NOP14: variants seen among roughly 807,000 people sequenced by gnomAD.
NOP14 encodes NOP14 nucleolar protein, also known as nucleolar protein 14.
In NOP14, 57 loss-of-function variants were observed where a neutral mutation model predicts 101.6. That is an observed-to-expected ratio of 0.56 (90% confidence interval 0.45 to 0.70). The LOEUF is 0.70. Ranked by LOEUF, NOP14 falls within the 30% of genes least tolerant of loss-of-function variation. NOP14 has a pLI of 0.00. For synonymous variants in NOP14, 428 were observed against 424.0 expected (o/e 1.01, Z -0.12); for missense variants, 1,134 against 1,075.5 (o/e 1.05, Z -0.76).
intron 4 of NOP14, among the ~76,000 whole-genome samples, chr4:2,953,871 C>A (rs1715177957): frequency 6.6e-6 from 1 of 152,162 alleles, no homozygotes; most frequent in Non-Finnish European, 1.5e-5. Context: ...ATGCTCTGAG[C>A]AGTTCACTGC....
At chr4:2,952,175 T>A in intron 6 of NOP14, 100 bp downstream of exon 6, 5 of 1,176,532 alleles carry the variant, frequency 4.2e-6, no homozygotes, top group Non-Finnish European at 6.0e-6. Context: ...ATTCCACTGA[T>A]CAAACAGAGT....
chr4:2,949,613 T>C (rs1714877313), intron 8 of NOP14, among the ~76,000 whole-genome samples: 2 of 152,282 alleles, frequency 1.3e-5, no homozygotes, highest in South Asian at 2.1e-4. Flanking sequence ...TTCTCGCAGA[T>C]GCTCACCCAC....
At chr4:2,943,067 G>A (rs1714341122) in intron 13 of NOP14, among the ~76,000 whole-genome samples, 1 of 152,198 alleles carries the variant, frequency 6.6e-6, no homozygotes, top group Non-Finnish European at 1.5e-5. Context: ...TTCACACGTG[G>A]GACTGCAGCT....
chr4:2,963,289 T>C lies in NOP14; in HGVS notation c.31A>G (p.Arg11Gly). Residue 11 changes from arginine to glycine, a missense_variant, in exon 1 of 18, where the codon AGG becomes GGG. Arg to Gly is a moderately radical substitution (Grantham distance 125). Coordinates refer to ENST00000416614, the MANE Select transcript of NOP14 (RefSeq NM_001291978.2). The part of the protein sequence containing the change: MAKAKKVGAR[R>G]KASGAPAGAR... ...CCCGCCGGCGCCCCGGAGGCCTTCC[T>C]TCGCGCCCCGACCTTCTTCGCCTTC... 1 of 1,595,728 alleles carries C rather than the reference T, an allele frequency of 6.3e-7. No individual in the cohort carries two copies.
At chr4:2,960,762 AATATTAAT>A (rs1560310787) in intron 1 of NOP14, among the ~76,000 whole-genome samples, 1 of 87,990 alleles carries the variant, frequency 1.1e-5, no homozygotes, top group African/African-American at 4.3e-5. Context: ...TAATCACATT[AATATTAAT>A]ATATTAATAT....
chr4:2,947,253 A>G (rs1714718921), intron 10 of NOP14: 1 of 499,756 alleles, frequency 2.0e-6, no homozygotes, highest in East Asian at 3.6e-5. Context: ...ACCCCATCCC[A>G]GCCACAAATC....
chr4:2,961,218 ATT>A (rs1491101780), intron 1 of NOP14: 113 of 37,088 alleles, frequency 3.0e-3, no homozygotes, highest in African/African-American at 9.5e-3. Flanking sequence ...ATATTAATAT[ATT>A]AATATTGTTA....
intron 5 of NOP14, 46 bp downstream of exon 5, chr4:2,953,465 C>G (rs1475976): frequency 0.4 from 648,684 of 1,605,884 alleles, 136,712 homozygotes; most frequent in African/African-American, 0.64. Flanking sequence ...AAGTCGGTCA[C>G]CCAAGCTCAG....
chr4:2,961,311 T>G (rs1270145102), intron 1 of NOP14: 1 of 9,138 alleles, frequency 1.1e-4, no homozygotes, highest in Non-Finnish European at 4.6e-4. Flanking sequence ...AGTTACTGAT[T>G]TAAGAACTAC....
At position 2,941,569 on chromosome 4, in the gene NOP14, C is replaced by CG. The variant is rs1179325308; in HGVS notation, c.2199+12dup. On this transcript the variant is annotated intron_variant, in intron 15 of 17. Coordinates refer to ENST00000416614, the MANE Select transcript of NOP14 (RefSeq NM_001291978.2). ...AGCCCAGGCAGAGCACCCTAGTGGC[C>CG]GGGAAGCCTCACCTGGAGCTCCTGC... 2 of 1,609,364 alleles carry CG rather than the reference C, an allele frequency of 1.2e-6. No homozygotes were observed. The highest frequency in any genetic ancestry group is 1.7e-6 in the Non-Finnish European group (2 of 1,178,888).
chr4:2,942,151 G>A (rs370425099), intron 14 of NOP14, 41 bp downstream of exon 14: 10 of 1,579,116 alleles, frequency 6.3e-6, no homozygotes, highest in African/African-American at 4.0e-5. Flanking sequence ...CTCTGGGGAC[G>A]CTGTAGGGCA....
chr4:2,957,732 C>T lies in NOP14; in HGVS notation c.204G>A (p.Gln68=), dbSNP rs867915298. 1.2e-6 allele frequency: 2 copies of T among 1,612,750 alleles called. No homozygotes were observed. Among genetic ancestry groups the T allele is most frequent in the Middle Eastern group, 1.6e-4 (1 of 6,076 alleles). Reference sequence around the variant, plus strand: ...TTTCTTTGTACTCTTTTAGTAAAGTCTGTGTACGCTGGAAAACAGGTCAGA... The same window carrying T: ...TTTCTTTGTACTCTTTTAGTAAAGTTTGTGTACGCTGGAAAACAGGTCAGA... The part of the protein sequence containing the change: ...SRARALRKRT[Q]TLLKEYKERD... The change falls in exon 2 of 18, where the codon CAG becomes CAA. Residue 68 remains glutamine, a synonymous_variant. Transcript: ENST00000416614.
At position 2,954,412 on chromosome 4, in the gene NOP14, T is replaced by C; in HGVS notation, c.612+12A>G. 5 of 1,613,544 alleles carry C rather than the reference T, an allele frequency of 3.1e-6. No individual in the cohort carries two copies. The highest frequency in any genetic ancestry group is 4.2e-6 in the Non-Finnish European group (5 of 1,179,696). On this transcript the variant is annotated intron_variant, in intron 4 of 17. Coordinates refer to ENST00000416614, the MANE Select transcript of NOP14 (RefSeq NM_001291978.2). ...CCGTGGAGAAGATGATCAAGAACACTCACTAACCCACCTTCTCTTGTTTTG... is the reference window on the plus strand; with the variant it reads ...CCGTGGAGAAGATGATCAAGAACACCCACTAACCCACCTTCTCTTGTTTTG...
intron 8 of NOP14, among the ~76,000 whole-genome samples, chr4:2,949,042 AGAAGGACCTG>A (rs1284448852): frequency 2.6e-5 from 4 of 152,188 alleles, no homozygotes; most frequent in African/African-American, 9.7e-5. Context: ...AGACTGCTTC[AGAAGGACCTG>A]GAAGGAGCCA....
chr4:2,960,878 TTATTATTATATTATTA>T lies in NOP14; in HGVS notation c.195+2231_195+2246del, dbSNP rs1315466216. Among the ~76,000 whole-genome samples the T allele has an allele frequency of 7.4e-5, 5 of 67,138 alleles. 1 individual carries two copies. Among genetic ancestry groups the T allele is most frequent in the Non-Finnish European group, 1.3e-4 (4 of 30,166 alleles). 44.0% of individuals were successfully genotyped at this position (67,138 alleles called of 152,430 possible). A position where few individuals can be genotyped will look rare whatever the true frequency, so the allele number is the denominator to read the frequency against. On this transcript the variant is annotated intron_variant, in intron 1 of 17. Coordinates refer to ENST00000416614, the MANE Select transcript of NOP14 (RefSeq NM_001291978.2). ...TCAATATATTAATATTATAATTACATTATTATTATATTATTATATCAATATTATATTAATATTATAT... is the reference window on the plus strand; with the variant it reads ...TCAATATATTAATATTATAATTACATTATCAATATTATATTAATATTATAT...
intron 1 of NOP14, 112 bp from the exon 2 acceptor site, chr4:2,957,852 G>C: frequency 9.4e-7 from 1 of 1,066,544 alleles, no homozygotes; most frequent in Non-Finnish European, 1.3e-6. Context: ...TGATGTCAAA[G>C]TTCACACCCA....
chr4:2,955,567 C>T lies in NOP14; in HGVS notation c.473-1004G>A, dbSNP rs563498874. Reference sequence around the variant, plus strand: ...GCCCCCTCTAGTCACCTGCACGCCACGGCGCCCCCTCTAGTCACCTGCGCC... The same window carrying T: ...GCCCCCTCTAGTCACCTGCACGCCATGGCGCCCCCTCTAGTCACCTGCGCC... On this transcript the variant is annotated intron_variant, in intron 3 of 17. Coordinates refer to ENST00000416614, the MANE Select transcript of NOP14 (RefSeq NM_001291978.2). Among the ~76,000 whole-genome samples the T allele has an allele frequency of 5.3e-5, 8 of 152,204 alleles. No homozygotes were observed. In the South Asian group the frequency reaches 1.2e-3, roughly 24 times the overall value.
intron 13 of NOP14, among the ~76,000 whole-genome samples, chr4:2,943,322 T>A (rs888628993): frequency 1.3e-5 from 2 of 152,166 alleles, no homozygotes; most frequent in African/African-American, 4.8e-5. Flanking sequence ...CACGGTGAGC[T>A]GGAAATAGAG....
At chr4:2,950,490 T>A (rs1714952909) in intron 7 of NOP14, 1 of 505,200 alleles carries the variant, frequency 2.0e-6, no homozygotes, top group Admixed American at 3.3e-5. Flanking sequence ...GGACTGGGAT[T>A]TGGAAGGTGT....
Sources: gnomAD v4.1 joint callset for allele counts (sites outside exome capture counted in the v4.1 genomes callset) on GRCh38, gnomAD v4.1.1 for gene constraint, MANE v1.5 for transcripts, NCBI Gene and HGNC (gene_info 2026-07-23, HGNC 2026-07-21) for gene names.